The following ABTB3 variants were observed in gnomAD, a reference collection of about 807,000 sequenced individuals.
The protein encoded by ABTB3 is ankyrin repeat and BTB domain containing 3, also known as ankyrin repeat- and BTB/POZ domain-containing protein 3.
At chr12:107,632,082 G>A in the ABTB3 span, among the ~76,000 whole-genome samples, 2,699 of 152,322 alleles carry the variant, frequency 0.018, 72 homozygotes, top group African/African-American at 0.059. Context: ...ACTGAAGTTA[G>A]AAAGAGAGGT....
chr12:107,617,280 C>T, the ABTB3 span: 7 of 1,613,996 alleles, frequency 4.3e-6, no homozygotes, highest in African/African-American at 2.7e-5. Context: ...TCTTATAAAA[C>T]CCCCTTCTCT....
At chr12:107,552,879 G>A in the ABTB3 span, among the ~76,000 whole-genome samples, 1 of 152,162 alleles carries the variant, frequency 6.6e-6, no homozygotes, top group African/African-American at 2.4e-5. Context: ...TGTACTAAAT[G>A]ATCAGTGCAT....
the ABTB3 span, among the ~76,000 whole-genome samples, chr12:107,564,091 T>C: frequency 3.5e-5 from 1 of 28,564 alleles, no homozygotes; most frequent in East Asian, 5.5e-4. Flanking sequence ...TCTATCTCTC[T>C]GTGTGTGTGT....
the ABTB3 span, among the ~76,000 whole-genome samples, chr12:107,623,894 A>T: frequency 6.6e-6 from 1 of 152,192 alleles, no homozygotes; most frequent in Admixed American, 6.5e-5. Flanking sequence ...GGTGGGGCTG[A>T]TGAGGTCTAA....
chr12:107,623,652 C>G, the ABTB3 span, among the ~76,000 whole-genome samples: 1 of 152,132 alleles, frequency 6.6e-6, no homozygotes, highest in Non-Finnish European at 1.5e-5. Context: ...CAGGCATGAG[C>G]CACCACATCC....
At chr12:107,326,712 CA>C in the ABTB3 span, among the ~76,000 whole-genome samples, 2 of 152,188 alleles carry the variant, frequency 1.3e-5, no homozygotes, top group African/African-American at 4.8e-5. Flanking sequence ...ACCCATGAGG[CA>C]AAACAAACAT....
the ABTB3 span, among the ~76,000 whole-genome samples, chr12:107,346,849 G>A: frequency 3.3e-5 from 5 of 152,152 alleles, no homozygotes; most frequent in South Asian, 2.1e-4. Flanking sequence ...GACTGCTTGC[G>A]GGTAAATAGC....
chr12:107,360,718 C>A, the ABTB3 span, among the ~76,000 whole-genome samples: 1 of 152,224 alleles, frequency 6.6e-6, no homozygotes, highest in East Asian at 1.9e-4. Context: ...GTTGTGCTCA[C>A]CAAAGGAGTT....
the ABTB3 span, among the ~76,000 whole-genome samples, chr12:107,584,830 G>T: frequency 1.3e-5 from 2 of 152,208 alleles, no homozygotes; most frequent in Non-Finnish European, 2.9e-5. Flanking sequence ...CTATGGGAAG[G>T]TCTCACCATG....
chr12:107,407,537 G>A, the ABTB3 span, among the ~76,000 whole-genome samples: 5 of 152,330 alleles, frequency 3.3e-5, no homozygotes, highest in South Asian at 2.1e-4. Context: ...AGTGCAAGAC[G>A]GTGAACAGGC....
chr12:107,448,813 C>T, the ABTB3 span, among the ~76,000 whole-genome samples: 6 of 152,068 alleles, frequency 3.9e-5, no homozygotes, highest in East Asian at 1.9e-4. Context: ...TCAGGTGGTC[C>T]GCCCGCCTCG....
chr12:107,624,203 T>C, the ABTB3 span, among the ~76,000 whole-genome samples: 7 of 151,956 alleles, frequency 4.6e-5, no homozygotes, highest in East Asian at 1.3e-3. Flanking sequence ...GGGTTTTTTT[T>C]TTTTTAAGTT....
chr12:107,490,803 G>T, the ABTB3 span, among the ~76,000 whole-genome samples: 1 of 152,150 alleles, frequency 6.6e-6, no homozygotes, highest in Admixed American at 6.5e-5. Flanking sequence ...GATGAGAAAG[G>T]GTGCTGGATG....
chr12:107,367,655 G>A, the ABTB3 span, among the ~76,000 whole-genome samples: 1 of 151,966 alleles, frequency 6.6e-6, no homozygotes, highest in Non-Finnish European at 1.5e-5. Context: ...ATAGGCGAAC[G>A]GCACCACCCT....
the ABTB3 span, among the ~76,000 whole-genome samples, chr12:107,624,243 CA>C: frequency 1.4e-3 from 209 of 150,402 alleles, 1 homozygote; most frequent in African/African-American, 4.7e-3. Context: ...ATGAAAAACT[CA>C]AAACTTAAAA....
chr12:107,400,122 A>G, the ABTB3 span, among the ~76,000 whole-genome samples: 1 of 152,248 alleles, frequency 6.6e-6, no homozygotes, highest in Non-Finnish European at 1.5e-5. Context: ...AGTCTTTGCT[A>G]TTATGAATAG....
chr12:107,392,064 G>C, the ABTB3 span, among the ~76,000 whole-genome samples: 1 of 152,168 alleles, frequency 6.6e-6, no homozygotes, highest in African/African-American at 2.4e-5. Flanking sequence ...AAACAGACTG[G>C]CAATACCAAC....
chr12:107,653,319 A>T, the ABTB3 span, among the ~76,000 whole-genome samples: 2 of 152,126 alleles, frequency 1.3e-5, no homozygotes, highest in African/African-American at 4.8e-5. Flanking sequence ...GATCGAGACC[A>T]TCCTGGCAAA....
the ABTB3 span, among the ~76,000 whole-genome samples, chr12:107,404,937 T>A: frequency 6.6e-6 from 1 of 152,246 alleles, no homozygotes; most frequent in Non-Finnish European, 1.5e-5. Context: ...ATTGTCCATT[T>A]TGCAGATGAA....
Sources: allele counts gnomAD v4.1 joint callset (sites outside exome capture counted in the v4.1 genomes callset), GRCh38; gene constraint gnomAD v4.1.1; transcripts MANE v1.5; gene names NCBI Gene and HGNC (gene_info 2026-07-23, HGNC 2026-07-21).